The following MTA3 variants were observed in gnomAD, a reference collection of about 807,000 sequenced individuals.
The protein encoded by MTA3 is metastasis associated 1 family member 3.
MTA3 carries 34 observed loss-of-function variants against 83.5 expected under a neutral mutation model. The ratio of observed to expected loss-of-function variants is 0.41; its 90% CI spans 0.31 to 0.54. MTA3 has a LOEUF of 0.54. MTA3 is among the 20% of genes least tolerant of loss of function. MTA3 has a pLI of 0.33. For synonymous variants in MTA3, 303 were observed against 252.7 expected (o/e 1.20, Z -1.89); for missense variants, 761 against 726.4 (o/e 1.05, Z -0.55).
intron 4 of MTA3, among the ~76,000 whole-genome samples, chr2:42,632,900 CAAAGATCTATCTTTGAATAGAAATATTT>C (rs1686820718): frequency 1.3e-5 from 2 of 151,582 alleles, no homozygotes; most frequent in African/African-American, 4.8e-5. Context: ...ATCTTCTATT[CAAAGATCTATCTTTGAATAGAAATATTT>C]AAAGATTTCC....
At chr2:42,687,949 A>G (rs150823390) in intron 9 of MTA3, among the ~76,000 whole-genome samples, 10 of 152,214 alleles carry the variant, frequency 6.6e-5, no homozygotes, top group African/African-American at 1.4e-4. Context: ...TCTGCAGAAC[A>G]TGCATACCAT....
intron 2 of MTA3, among the ~76,000 whole-genome samples, chr2:42,578,125 ATTC>A (rs1679248268): frequency 1.3e-5 from 2 of 152,300 alleles, no homozygotes; most frequent in East Asian, 3.9e-4. Context: ...CAGCACTTAT[ATTC>A]TTCTTTGTAT....
At chr2:42,749,461 A>T (rs1170940942) in intron 16 of MTA3, among the ~76,000 whole-genome samples, 3 of 151,944 alleles carry the variant, frequency 2.0e-5, no homozygotes, top group South Asian at 2.1e-4. Flanking sequence ...GTTCTTTTTT[A>T]AAAAAATTAT....
chr2:42,698,498 C>CTA (rs1397680178), intron 11 of MTA3: 13 of 152,024 alleles, frequency 8.6e-5, no homozygotes, highest in Admixed American at 6.5e-4. Context: ...ATATAAGGTA[C>CTA]TATATCCTTT....
chr2:42,554,179 A>T (rs1168234073), intron 2 of MTA3, among the ~76,000 whole-genome samples: 1 of 152,038 alleles, frequency 6.6e-6, no homozygotes, highest in East Asian at 1.9e-4. Flanking sequence ...GTTTGCAGTG[A>T]GCCGAGATCA....
intron 3 of MTA3, among the ~76,000 whole-genome samples, chr2:42,586,239 A>G (rs890085068): frequency 7.1e-4 from 105 of 148,412 alleles, no homozygotes; most frequent in African/African-American, 2.4e-3. Flanking sequence ...GTACCATTGC[A>G]CTCCAGCCCG....
chr2:42,660,758 T>A (rs1484513274), intron 8 of MTA3, among the ~76,000 whole-genome samples: 4 of 152,224 alleles, frequency 2.6e-5, no homozygotes. Context: ...CAATATGGGT[T>A]TTTAACTTTC....
intron 2 of MTA3, among the ~76,000 whole-genome samples, chr2:42,523,670 T>G (rs955598579): frequency 3.9e-5 from 6 of 152,156 alleles, no homozygotes; most frequent in African/African-American, 1.4e-4. Context: ...CCCAGCACTT[T>G]GAGAGGCCGA....
intron 2 of MTA3, among the ~76,000 whole-genome samples, chr2:42,526,666 GC>G (rs1675722626): frequency 6.6e-6 from 1 of 152,076 alleles, no homozygotes; most frequent in Non-Finnish European, 1.5e-5. Context: ...ATGTGGTTAG[GC>G]ACCGTTCTAG....
chr2:42,721,315 T>G (rs1188097962), intron 15 of MTA3, among the ~76,000 whole-genome samples: 2 of 150,240 alleles, frequency 1.3e-5, no homozygotes, highest in Non-Finnish European at 2.9e-5. Flanking sequence ...GACTGTTCTT[T>G]TTCTTTTTCT....
At chr2:42,709,191 A>T in intron 14 of MTA3, 95 bp downstream of exon 14, 1 of 1,482,680 alleles carries the variant, frequency 6.7e-7, no homozygotes, top group Non-Finnish European at 8.9e-7. Flanking sequence ...TTTGTTTGCA[A>T]TAAACATAAG....
chr2:42,650,990 A>G (rs1052214579), intron 6 of MTA3, among the ~76,000 whole-genome samples: 1 of 152,136 alleles, frequency 6.6e-6, no homozygotes, highest in Non-Finnish European at 1.5e-5. Context: ...CCACAAACCT[A>G]GATAGGTGCA....
chr2:42,547,653 C>T lies in MTA3; in HGVS notation c.-140-22784C>T, dbSNP rs571424558. 7.4e-4 allele frequency among the ~76,000 whole-genome samples: 112 copies of T among 152,304 alleles called. 1 individual carries two copies. Among genetic ancestry groups the T allele is most frequent in the African/African-American group, 2.6e-3 (109 of 41,578 alleles). On this transcript the variant is annotated intron_variant, in intron 2 of 17. Transcript: ENST00000405592. ...GAGGCATTTGTCTTATTTGAACACTCAGCAGTTGAAGTATGGCTTCTGGGA... is the reference window on the plus strand; with the variant it reads ...GAGGCATTTGTCTTATTTGAACACTTAGCAGTTGAAGTATGGCTTCTGGGA...
chr2:42,585,524 G>C (rs1000249595), intron 3 of MTA3, among the ~76,000 whole-genome samples: 27 of 147,766 alleles, frequency 1.8e-4, no homozygotes, highest in Non-Finnish European at 3.1e-4. Flanking sequence ...GCCCAGGCCG[G>C]AGTGCAGTGG....
chr2:42,615,018 C>T (rs1352087806), intron 4 of MTA3, among the ~76,000 whole-genome samples: 5 of 150,912 alleles, frequency 3.3e-5, no homozygotes, highest in South Asian at 4.2e-4. Context: ...AGGCTGGGCA[C>T]GGTGACTCAT....
At chr2:42,635,492 A>G (rs1687096996) in intron 4 of MTA3, among the ~76,000 whole-genome samples, 3 of 151,946 alleles carry the variant, frequency 2.0e-5, no homozygotes, top group Non-Finnish European at 4.4e-5. Flanking sequence ...GCTGGGTGTG[A>G]TGGTGGGCAT....
At chr2:42,565,233 C>A (rs1249629121), upstream of MTA3, among the ~76,000 whole-genome samples, 2 of 152,160 alleles carry the variant, frequency 1.3e-5, no homozygotes, top group African/African-American at 4.8e-5. Context: ...ATTACCCAGG[C>A]TAGAGTGCAG....
At chr2:42,737,367 G>A (rs891627648) in intron 16 of MTA3, among the ~76,000 whole-genome samples, 1 of 152,158 alleles carries the variant, frequency 6.6e-6, no homozygotes. Context: ...TGTGGGCACC[G>A]GCTGAGTTCT....
chr2:42,505,479 C>T (rs1023465057), intron 2 of MTA3, among the ~76,000 whole-genome samples: 1 of 152,138 alleles, frequency 6.6e-6, no homozygotes. Flanking sequence ...CTGAAACCCA[C>T]AGACTATGCA....
Sources: allele counts gnomAD v4.1 joint callset (sites outside exome capture counted in the v4.1 genomes callset), GRCh38; gene constraint gnomAD v4.1.1; transcripts MANE v1.5; gene names NCBI Gene and HGNC (gene_info 2026-07-23, HGNC 2026-07-21).